AP3M1: variants seen among roughly 807,000 people sequenced by gnomAD.
AP3M1 encodes the protein AP-3 complex subunit mu-1.
Under a neutral mutation model 42.6 loss-of-function variants are expected in AP3M1, and 29 were observed. The observed-to-expected ratio is 0.68, with a 90% CI of 0.51 to 0.93. The LOEUF (loss-of-function observed/expected upper bound fraction) is 0.93, where lower values mean the gene tolerates loss of function less well. AP3M1 is among the 40% of genes least tolerant of loss of function. AP3M1 has a pLI of 0.00. For missense variants in AP3M1, 416 were observed against 510.2 expected (o/e 0.82, Z 1.78); for synonymous variants, 178 against 175.3 (o/e 1.02, Z -0.12).
chr10:74,138,468 G>A (rs1841015564), intron 1 of AP3M1, 86 bp from the exon 2 acceptor site: 2 of 1,250,936 alleles, frequency 1.6e-6, no homozygotes, highest in African/African-American at 3.1e-5. Flanking sequence ...TGACCAAGTG[G>A]GATTTATTCT....
chr10:74,148,457 T>C (rs1841402391), intron 1 of AP3M1, among the ~76,000 whole-genome samples: 1 of 152,234 alleles, frequency 6.6e-6, no homozygotes, highest in Non-Finnish European at 1.5e-5. Context: ...TCCTCTTCTC[T>C]GTAAATACCA....
intron 1 of AP3M1, among the ~76,000 whole-genome samples, chr10:74,141,650 G>A (rs1841154785): frequency 6.6e-6 from 1 of 151,962 alleles, no homozygotes; most frequent in Non-Finnish European, 1.5e-5. Context: ...CCTTTATGGA[G>A]AGTGGAGGGC....
Position 74,123,773 on chromosome 10 carries a change from G to T in AP3M1, c.*37C>A. 6.6e-7 allele frequency: 1 copy of T among 1,513,452 alleles called. No homozygotes were observed. The allele number at this position is 1,513,452 out of a possible 1,614,324, so 93.8% of individuals were successfully genotyped here. ...ATAGTGATACATCGTAATGACACTTGGAAAACAAACTGGTCCTGAGGAATT... is the reference window on the plus strand; with the variant it reads ...ATAGTGATACATCGTAATGACACTTTGAAAACAAACTGGTCCTGAGGAATT... On this transcript the variant is annotated 3_prime_UTR_variant, in exon 9 of 9. Coordinates refer to ENST00000355264, the MANE Select transcript of AP3M1 (RefSeq NM_012095.6).
intron 1 of AP3M1, among the ~76,000 whole-genome samples, chr10:74,147,971 TGG>T (rs974207982): frequency 6.6e-6 from 1 of 151,782 alleles, no homozygotes; most frequent in African/African-American, 2.4e-5. Flanking sequence ...CACTCCAGCC[TGG>T]GCGACAAGAG....
Position 74,134,060 on chromosome 10 carries a change from C to T in AP3M1, c.550G>A (p.Val184Ile). 1 of 1,614,162 alleles carries T rather than the reference C, an allele frequency of 6.2e-7. No individual in the cohort carries two copies. Among genetic ancestry groups the T allele is most frequent in the South Asian group, 1.1e-5 (1 of 91,078 alleles). The change falls in exon 4 of 9, where the codon GTT becomes ATT. Residue 184 changes from valine to isoleucine, a missense_variant. Val to Ile is a conservative substitution (Grantham distance 29). Transcript: ENST00000355264. ...TCTATAATTGCGTCTATTTCTTCAA[C>T]AACATCAAAATAGGCTTCATTGTTT... Reference protein sequence around the residue: ...YTNNEAYFDVVEEIDAIIDKS... With the variant: ...YTNNEAYFDVIEEIDAIIDKS...
In AP3M1 at chr10:74,121,975, GTA is replaced by G. The variant is rs1347927084; in HGVS notation, c.*1833_*1834del. On this transcript the variant is annotated 3_prime_UTR_variant, in exon 9 of 9. Transcript: ENST00000355264. ...ACAGGAGGAGAACTGGACAGTCCAG[GTA>G]TAGATTGTTGAGATTAGGGATTCAG... 2 of 152,186 alleles carry G rather than the reference GTA, an allele frequency of 1.3e-5. No individual in the cohort carries two copies. Among genetic ancestry groups the G allele is most frequent in the Non-Finnish European group, 2.9e-5 (2 of 68,034 alleles). The allele number at this position is 152,186 out of a possible 1,614,324, so 9.4% of individuals were successfully genotyped here. A position where few individuals can be genotyped will look rare whatever the true frequency, so the allele number is the denominator to read the frequency against.
intron 1 of AP3M1, among the ~76,000 whole-genome samples, chr10:74,149,480 G>C (rs561572000): frequency 2.0e-5 from 3 of 151,556 alleles, no homozygotes; most frequent in African/African-American, 2.4e-5. Flanking sequence ...AGTAGAGACA[G>C]GGTTTCACTA....
At chr10:74,134,426 A>T (rs1840882005) in intron 3 of AP3M1, among the ~76,000 whole-genome samples, 1 of 152,212 alleles carries the variant, frequency 6.6e-6, no homozygotes, top group Non-Finnish European at 1.5e-5. Context: ...GTTAACAGTA[A>T]TCTAATCTAA....
In AP3M1 at chr10:74,134,013, A is replaced by G; in HGVS notation, c.583+14T>C. ...ATTGTTTTTCCCCAAATAAGATGAC[A>G]TGCACACAATTACCTGATTTATCTA... On this transcript the variant is annotated intron_variant, in intron 4 of 8. Transcript: ENST00000355264. 1 of 1,613,210 alleles carries G rather than the reference A, an allele frequency of 6.2e-7. No individual in the cohort carries two copies. Among genetic ancestry groups the G allele is most frequent in the Non-Finnish European group, 8.5e-7 (1 of 1,179,398 alleles).
Position 74,120,470 on chromosome 10 carries a change from CACT to C in AP3M1, c.*3337_*3339del, listed in dbSNP as rs1224974874. ...GATTCTAGCTATCTGTGGAGACCAC[CACT>C]GTTCCCCGAAAAGCTAAAGTTGTTA... On this transcript the variant is annotated 3_prime_UTR_variant, in exon 9 of 9. Coordinates refer to ENST00000355264, the MANE Select transcript of AP3M1 (RefSeq NM_012095.6). 1 of 152,188 alleles carries C rather than the reference CACT, an allele frequency of 6.6e-6. No homozygotes were observed. Among genetic ancestry groups the C allele is most frequent in the Non-Finnish European group, 1.5e-5 (1 of 68,034 alleles). 9.4% of individuals were successfully genotyped at this position (152,188 alleles called of 1,614,324 possible). A position where few individuals can be genotyped will look rare whatever the true frequency, so the allele number is the denominator to read the frequency against.
At chr10:74,130,133 T>C (rs1008855137) in intron 4 of AP3M1, 141 bp from the exon 5 acceptor site, 5 of 647,232 alleles carry the variant, frequency 7.7e-6, no homozygotes, top group Non-Finnish European at 1.1e-5. Context: ...TGCAGTTGTA[T>C]GATCATAGCT....
At chr10:74,137,752 T>G (rs543569353) in intron 2 of AP3M1, among the ~76,000 whole-genome samples, 1 of 152,224 alleles carries the variant, frequency 6.6e-6, no homozygotes, top group Non-Finnish European at 1.5e-5. Flanking sequence ...ACAGTGTAAA[T>G]GCTATGTAAC....
chr10:74,146,568 G>A (rs1841334571), intron 1 of AP3M1, among the ~76,000 whole-genome samples: 1 of 152,132 alleles, frequency 6.6e-6, no homozygotes, highest in South Asian at 2.1e-4. Context: ...GGTGTGTGGA[G>A]ATGAGAGAGA....
At chr10:74,128,582 C>T (rs1035341266) in intron 6 of AP3M1, among the ~76,000 whole-genome samples, 3 of 152,022 alleles carry the variant, frequency 2.0e-5, no homozygotes, top group African/African-American at 4.8e-5. Context: ...GCAGAGAAGA[C>T]GTACTTGAAG....
At chr10:74,145,094 C>T (rs1841290026) in intron 1 of AP3M1, among the ~76,000 whole-genome samples, 1 of 152,194 alleles carries the variant, frequency 6.6e-6, no homozygotes, top group African/African-American at 2.4e-5. Flanking sequence ...AGCACCGACA[C>T]AGGTTATCTA....
chr10:74,136,799 T>C lies in AP3M1; in HGVS notation c.278A>G (p.Tyr93Cys). The change falls in exon 3 of 9, where the codon TAC becomes TGC. Residue 93 changes from tyrosine (Y) to cysteine (C), a missense_variant. Physicochemically the swap from Tyr to Cys is radical, Grantham distance 194 (BLOSUM62 -2). Coordinates refer to ENST00000355264, the MANE Select transcript of AP3M1 (RefSeq NM_012095.6). Reference sequence around the variant, plus strand: ...TGCAGCCTCTGAACACTCACCAAAGTAGTCCTGACAAAATACACACAAAAT... The same window carrying C: ...TGCAGCCTCTGAACACTCACCAAAGCAGTCCTGACAAAATACACACAAAAT... Reference protein sequence around the residue: ...LHRVADTFQDYFGECSEAAIK... With the variant: ...LHRVADTFQDCFGECSEAAIK... 1 of 1,493,588 alleles carries C rather than the reference T, an allele frequency of 6.7e-7. No homozygotes were observed. The highest frequency in any genetic ancestry group is 9.1e-7 in the Non-Finnish European group (1 of 1,103,934). 92.5% of individuals were successfully genotyped at this position (1,493,588 alleles called of 1,614,324 possible). A position where few individuals can be genotyped will look rare whatever the true frequency, so the allele number is the denominator to read the frequency against.
intron 7 of AP3M1, among the ~76,000 whole-genome samples, chr10:74,124,871 C>T (rs1420173506): frequency 2.0e-5 from 3 of 152,172 alleles, no homozygotes; most frequent in Non-Finnish European, 1.5e-5. Context: ...TCAAATGACT[C>T]GCTCAAGGTC....
At chr10:74,148,468 T>C (rs1009383289) in intron 1 of AP3M1, among the ~76,000 whole-genome samples, 1 of 152,220 alleles carries the variant, frequency 6.6e-6, no homozygotes, top group Non-Finnish European at 1.5e-5. Flanking sequence ...GTAAATACCA[T>C]GTGCTACTCA....
At chr10:74,145,911 CT>C (rs1841311795) in intron 1 of AP3M1, among the ~76,000 whole-genome samples, 1 of 152,132 alleles carries the variant, frequency 6.6e-6, no homozygotes, top group Non-Finnish European at 1.5e-5. Context: ...ACAGAAGGGC[CT>C]ATACTGAACT....
Sources: gnomAD v4.1 joint callset for allele counts (sites outside exome capture counted in the v4.1 genomes callset) on GRCh38, gnomAD v4.1.1 for gene constraint, MANE v1.5 for transcripts, NCBI Gene and HGNC (gene_info 2026-07-23, HGNC 2026-07-21) for gene names.